ITGA3: variants seen among roughly 807,000 people sequenced by gnomAD.
ITGA3 encodes integrin subunit alpha 3, also known as integrin alpha-3.
Under a neutral mutation model 131.1 loss-of-function variants are expected in ITGA3, and 70 were observed. The ratio of observed to expected loss-of-function variants is 0.53; its 90% confidence interval spans 0.44 to 0.65. ITGA3 has a LOEUF of 0.65. ITGA3 is among the 30% of genes least tolerant of loss of function. The pLI is 0.00. For synonymous variants in ITGA3, 537 were observed against 571.6 expected (o/e 0.94, Z 0.86); for missense variants, 1,098 against 1,388.6 (o/e 0.79, Z 3.33).
intron 16 of ITGA3, among the ~76,000 whole-genome samples, chr17:50,077,749 C>T (rs1426982350): frequency 1.4e-4 from 22 of 152,214 alleles, no homozygotes; most frequent in Admixed American, 1.4e-3. Flanking sequence ...ATATAATTCT[C>T]ACAGCCTTCT....
rs1909556846 is a variant in ITGA3 at position 50,088,287 on chromosome 17, G to T, written c.3108G>T (p.Glu1036Asp). ...ALYEAKRQKA[E>D]MKSQPSETER... Reference sequence around the variant, plus strand: ...ATGAAGCTAAGAGGCAGAAGGCGGAGATGAAGAGCCAGCCGTCAGAGACAG... The same window carrying T: ...ATGAAGCTAAGAGGCAGAAGGCGGATATGAAGAGCCAGCCGTCAGAGACAG... The change falls in exon 25 of 26, where the codon GAG becomes GAT. Residue 1036 changes from glutamate to aspartate, a missense_variant. Transcript: ENST00000320031. 1.3e-5 allele frequency: 20 copies of T among 1,590,742 alleles called. No homozygotes were observed. The highest frequency in any genetic ancestry group is 1.5e-5 in the Non-Finnish European group (18 of 1,168,926).
chr17:50,071,660 T>C (rs1198907473), intron 6 of ITGA3, 142 bp downstream of exon 6: 1 of 794,666 alleles, frequency 1.3e-6, no homozygotes, highest in East Asian at 2.7e-5. Context: ...TCAGGCTTTA[T>C]GGGAGTCTGA....
intron 10 of ITGA3, 58 bp downstream of exon 10, chr17:50,074,592 G>C (rs570491923): frequency 8.0e-7 from 1 of 1,256,184 alleles, no homozygotes; most frequent in Non-Finnish European, 1.2e-6. Context: ...AGGAGGGGCT[G>C]CAGCTCCCAA....
At position 50,064,599 on chromosome 17, in the gene ITGA3, A is replaced by C. The variant is rs1298559474; in HGVS notation, c.406A>C (p.Arg136=). 1 of 1,612,258 alleles carries C rather than the reference A, an allele frequency of 6.2e-7. No homozygotes were observed. Among genetic ancestry groups the C allele is most frequent in the Non-Finnish European group, 8.5e-7 (1 of 1,179,550 alleles). ...TGTGGCCAGCCAGGGCCCTGCAGGCAGAGTTCTGGTAAGTGGGTGCTCAGT... is the reference window on the plus strand; with the variant it reads ...TGTGGCCAGCCAGGGCCCTGCAGGCCGAGTTCTGGTAAGTGGGTGCTCAGT... ...VTVASQGPAG[R]VLVCAHRYTQ... The change falls in exon 3 of 26, where the codon AGA becomes CGA. Residue 136 remains arginine, a synonymous_variant. Transcript: ENST00000320031. This position sits in a 1 kb window ranked among gnomAD's most constrained non-coding sequence, Gnocchi z 4.4.
rs755938628 is a variant in ITGA3, at chr17:50,072,085, C to T, written c.1059C>T (p.Phe353=). 6.2e-7 allele frequency: 1 copy of T among 1,614,104 alleles called. No homozygotes were observed. Among genetic ancestry groups the T allele is most frequent in the South Asian group, 1.1e-5 (1 of 91,082 alleles). Residue 353 remains phenylalanine (F), a synonymous_variant, in exon 7 of 26, where the codon TTC becomes TTT. Transcript: ENST00000320031. ...YVFMNQAGTS[F]PAHPSLLLHG... The stretch of plus-strand genomic sequence containing the variant: ...TCATGAACCAGGCGGGAACCTCCTT[C>T]CCTGCTCACCCCTCACTCCTTCTTC...
chr17:50,072,202 C>G lies in ITGA3; in HGVS notation c.1156+20C>G. ...TTCAGGGTATGAGCCAGCACTCCTC[C>G]CCCAGCACCCCTCCTCCAGCACCCC... On this transcript the variant is annotated intron_variant, in intron 7 of 25. Coordinates refer to ENST00000320031, the MANE Select transcript of ITGA3 (RefSeq NM_002204.4). 6.3e-7 allele frequency: 1 copy of G among 1,596,278 alleles called. No individual in the cohort carries two copies. The highest frequency in any genetic ancestry group is 8.6e-7 in the Non-Finnish European group (1 of 1,167,950).
At position 50,072,112 on chromosome 17, in the gene ITGA3, T is replaced by C. The variant is rs1320652746; in HGVS notation, c.1086T>C (p.His362=). The C allele has an allele frequency of 3.1e-6, 5 of 1,614,016 alleles. No individual in the cohort carries two copies. The highest frequency in any genetic ancestry group is 4.2e-6 in the Non-Finnish European group (5 of 1,180,024). Residue 362 remains histidine, a synonymous_variant, in exon 7 of 26, where the codon CAT becomes CAC. Coordinates refer to ENST00000320031, the MANE Select transcript of ITGA3 (RefSeq NM_002204.4). ...CTGCTCACCCCTCACTCCTTCTTCA[T>C]GGCCCCAGTGGCTCTGCCTTTGGTT... ...SFPAHPSLLL[H]GPSGSAFGLS... is the part of the protein sequence containing the mutation.
In ITGA3 at chr17:50,075,422, C is replaced by T. The variant is rs770031297; in HGVS notation, c.1470-37C>T. The T allele has an allele frequency of 1.6e-5, 26 of 1,607,448 alleles. No homozygotes were observed. The South Asian group carries it at 2.6e-4, about 16-fold the overall frequency. On this transcript the variant is annotated intron_variant, in intron 10 of 25. Coordinates refer to ENST00000320031, the MANE Select transcript of ITGA3 (RefSeq NM_002204.4). Reference sequence around the variant, plus strand: ...GAGCTAGGGCCTGGACGTGTGTGTCCCACTGTGACCCGCCCTCCTGTACAT... The same window carrying T: ...GAGCTAGGGCCTGGACGTGTGTGTCTCACTGTGACCCGCCCTCCTGTACAT...
intron 23 of ITGA3, among the ~76,000 whole-genome samples, chr17:50,084,854 C>T (rs942361966): frequency 1.3e-5 from 2 of 151,804 alleles, no homozygotes. Context: ...GGTGGAGTCT[C>T]CAGTGATTCA....
At position 50,077,011 on chromosome 17, in the gene ITGA3, A is replaced by G; in HGVS notation, c.1960A>G (p.Ser654Gly). The part of the protein sequence containing the change: ...YSRDVRKLLL[S>G]INVTNTRTSE... ...CAGAGACGTCCGGAAATTGCTCCTG[A>G]GCATCAACGTGACGAACACCCGGAC... The change falls in exon 15 of 26, where the codon AGC (serine) becomes GGC (glycine). Residue 654 changes from serine (S) to glycine (G), a missense_variant. By Grantham distance (56) the Ser-to-Gly change is moderately conservative. Transcript: ENST00000320031. The G allele has an allele frequency of 6.2e-7, 1 of 1,611,398 alleles. No homozygotes were observed. The highest frequency in any genetic ancestry group is 8.5e-7 in the Non-Finnish European group (1 of 1,178,548).
chr17:50,079,185 C>T lies in ITGA3; in HGVS notation c.2510C>T (p.Thr837Ile), dbSNP rs778119341. 4 of 1,614,022 alleles carry T rather than the reference C, an allele frequency of 2.5e-6. No individual in the cohort carries two copies. In the South Asian group the frequency reaches 4.4e-5, roughly 18 times the overall value. Reference sequence around the variant, plus strand: ...TGGCTGCTGTATCCCACGGAGATCACCGTCCATGGCAATGGGTCCTGGCCC... The same window carrying T: ...TGGCTGCTGTATCCCACGGAGATCATCGTCCATGGCAATGGGTCCTGGCCC... ...GKWLLYPTEITVHGNGSWPCR... is the reference protein window; with the variant it reads ...GKWLLYPTEIIVHGNGSWPCR... The change falls in exon 20 of 26, where the codon ACC becomes ATC. Residue 837 changes from threonine to isoleucine, a missense_variant. Transcript: ENST00000320031.
At chr17:50,059,913 C>T (rs539365115) in intron 1 of ITGA3, among the ~76,000 whole-genome samples, 4 of 152,254 alleles carry the variant, frequency 2.6e-5, no homozygotes, top group African/African-American at 9.6e-5. Flanking sequence ...CTTTCTCATT[C>T]TCTCTCTCCC....
chr17:50,081,451 C>T, intron 23 of ITGA3, 43 bp downstream of exon 23: 1 of 1,384,976 alleles, frequency 7.2e-7, no homozygotes, highest in Non-Finnish European at 1.0e-6. Flanking sequence ...CCAGCCAGAG[C>T]TTGAGAGTAC....
intron 19 of ITGA3, 43 bp downstream of exon 19, chr17:50,078,969 G>A (rs1909052543): frequency 6.5e-7 from 1 of 1,532,444 alleles, no homozygotes; most frequent in South Asian, 1.1e-5. Flanking sequence ...CTTCTAGGAA[G>A]GATTATTTTT....
intron 3 of ITGA3, 126 bp from the exon 4 acceptor site, chr17:50,067,930 G>C: frequency 1.6e-6 from 2 of 1,250,262 alleles, no homozygotes. Flanking sequence ...ATCACTGGGA[G>C]AAGGAGAAGC....
At chr17:50,071,878 G>A (rs1364469729) in intron 6 of ITGA3, 108 bp from the exon 7 acceptor site, 1 of 962,390 alleles carries the variant, frequency 1.0e-6, no homozygotes, top group Non-Finnish European at 1.6e-6. Context: ...GGCCGGAAGA[G>A]CCATTTGCAG....
chr17:50,073,586 G>A lies in ITGA3; in HGVS notation c.1157-330G>A, dbSNP rs1908727955. The stretch of plus-strand genomic sequence containing the variant: ...AGCCTGGGTCACAGAGCGAGACACT[G>A]TCTATAAACACACACACACACACAC... On this transcript the variant is annotated intron_variant, in intron 7 of 25. Transcript: ENST00000320031. Among the ~76,000 whole-genome samples, 3 of 142,752 alleles carry A rather than the reference G, an allele frequency of 2.1e-5. No individual in the cohort carries two copies. In the South Asian group the frequency reaches 6.6e-4, roughly 32 times the overall value. The allele number at this position is 142,752 out of a possible 152,430, so 93.7% of individuals were successfully genotyped here.
Position 50,076,395 on chromosome 17 carries a change from G to T in ITGA3, c.1744G>T (p.Asp582Tyr). Residue 582 changes from aspartate (D) to tyrosine (Y), a missense_variant, in exon 13 of 26, where the codon GAT (aspartate) becomes TAT (tyrosine). This residue lies in a region of ITGA3 where 699 missense variants were observed against 829.2 expected (regional missense o/e 0.84). Coordinates refer to ENST00000320031, the MANE Select transcript of ITGA3 (RefSeq NM_002204.4). ...CTACTCTTTACCTTTGCGGATGCCCGATCGCCCCCGGCTGGGGCTGCGGTC... is the reference window on the plus strand; with the variant it reads ...CTACTCTTTACCTTTGCGGATGCCCTATCGCCCCCGGCTGGGGCTGCGGTC... ...MNYSLPLRMP[D>Y]RPRLGLRSLD... is the part of the protein sequence containing the mutation. The T allele has an allele frequency of 6.2e-7, 1 of 1,612,936 alleles. No individual in the cohort carries two copies.
In ITGA3 at chr17:50,056,406, C is replaced by T. The variant is rs1243733847; in HGVS notation, c.-34C>T. The T allele has an allele frequency of 7.0e-7, 1 of 1,418,976 alleles. No homozygotes were observed. The allele number at this position is 1,418,976 out of a possible 1,614,324, so 87.9% of individuals were successfully genotyped here. On this transcript the variant is annotated 5_prime_UTR_variant, in exon 1 of 26. Coordinates refer to ENST00000320031, the MANE Select transcript of ITGA3 (RefSeq NM_002204.4). The surrounding 1 kb of genome is among the most constrained non-coding windows in gnomAD (Gnocchi z 5.6). ...TCACGCCCAGCTCCGCGCCCTCACG[C>T]GCTCTCGCCGGGACCCCGCTTCCGC...
Sources: allele counts gnomAD v4.1 joint callset (sites outside exome capture counted in the v4.1 genomes callset), GRCh38; gene constraint gnomAD v4.1.1; regional missense constraint gnomAD v4.1.1; non-coding constraint Gnocchi (gnomAD v3.1); transcripts MANE v1.5; gene names NCBI Gene and HGNC (gene_info 2026-07-23, HGNC 2026-07-21).